The following BDP1 variants were observed in gnomAD, a reference collection of about 807,000 sequenced individuals.
BDP1 encodes the protein transcription factor TFIIIB component B'' homolog.
A neutral mutation model predicts 266.6 loss-of-function variants in BDP1; 169 were observed. The observed-to-expected ratio is 0.63, with a 90% CI of 0.56 to 0.72. BDP1 has a LOEUF of 0.72. Among genes scored for constraint, BDP1 ranks in the 30% least tolerant of loss-of-function variants. The probability of loss-of-function intolerance (pLI) is 0.00; values close to 1 mark genes in which losing one functional copy is unlikely to be tolerated. For synonymous variants in BDP1, 1,090 were observed against 1,022.4 expected, an observed-to-expected ratio of 1.07 and a Z score of -1.26; for missense variants, 3,015 against 3,053.8, an observed-to-expected ratio of 0.99 and a Z score of 0.30.
At chr5:71,460,186 C>T (rs990223739) in intron 2 of BDP1, among the ~76,000 whole-genome samples, 2 of 152,144 alleles carry the variant, frequency 1.3e-5, no homozygotes, top group African/African-American at 4.8e-5. Context: ...TCGAGACCAG[C>T]CTGGCCAACA....
chr5:71,564,878 C>T lies in BDP1; in HGVS notation c.7868C>T (p.Thr2623Ile). ...FNDIFIEVDE[T>I]E is the part of the protein sequence containing the mutation. ...GATATCTTCATTGAAGTGGATGAAA[C>T]AGAATAAAACAATCTTTTCTCTTTT... is the stretch of plus-strand genomic sequence containing the variant. Residue 2623 changes from threonine (T) to isoleucine (I), a missense_variant, in exon 39 of 39, where the codon ACA (threonine) becomes ATA (isoleucine). This residue lies in a region of BDP1 where 629 missense variants were observed against 632.5 expected (regional missense o/e 0.99). Coordinates refer to ENST00000358731, the MANE Select transcript of BDP1 (RefSeq NM_018429.3). The T allele has an allele frequency of 6.3e-7, 1 of 1,584,144 alleles. No individual in the cohort carries two copies. Among genetic ancestry groups the T allele is most frequent in the Non-Finnish European group, 8.5e-7 (1 of 1,171,418 alleles).
At chr5:71,490,050 G>A (rs1763495844) in intron 10 of BDP1, among the ~76,000 whole-genome samples, 1 of 152,140 alleles carries the variant, frequency 6.6e-6, no homozygotes, top group African/African-American at 2.4e-5. Flanking sequence ...AACCCACAAG[G>A]GGTTAGTTCC....
chr5:71,479,043 T>A (rs1762769597), intron 7 of BDP1, among the ~76,000 whole-genome samples: 1 of 152,096 alleles, frequency 6.6e-6, no homozygotes. Flanking sequence ...TTATTTTATT[T>A]TATTTTATTT....
chr5:71,469,284 A>T (rs528551923), intron 6 of BDP1, among the ~76,000 whole-genome samples: 1 of 151,288 alleles, frequency 6.6e-6, no homozygotes, highest in African/African-American at 2.4e-5. Flanking sequence ...GATTACAGGC[A>T]TATGTCACCA....
At position 71,567,775 on chromosome 5, in the gene BDP1, G is replaced by T. The variant is rs115686084; in HGVS notation, c.*2890G>T. The T allele has an allele frequency of 0.025, 3,816 of 152,430 alleles. 73 individuals carry two copies. The highest frequency in any genetic ancestry group is 0.074 in the South Asian group (357 of 4,806). The allele number at this position is 152,430 out of a possible 1,614,324, so 9.4% of individuals were successfully genotyped here. On this transcript the variant is annotated 3_prime_UTR_variant, in exon 39 of 39. Coordinates refer to ENST00000358731, the MANE Select transcript of BDP1 (RefSeq NM_018429.3). ...AAATTTTCTTGTTCTAAAGAAAGCAGTTATATATATATATAAATTATGTAA... is the reference window on the plus strand; with the variant it reads ...AAATTTTCTTGTTCTAAAGAAAGCATTTATATATATATATAAATTATGTAA...
chr5:71,556,627 C>G (rs938691077), intron 35 of BDP1, among the ~76,000 whole-genome samples: 1 of 152,004 alleles, frequency 6.6e-6, no homozygotes, highest in African/African-American at 2.4e-5. Flanking sequence ...TGATGTGCTG[C>G]TTGTACTATT....
chr5:71,493,239 C>G (rs1172090314), intron 11 of BDP1, among the ~76,000 whole-genome samples: 1 of 152,128 alleles, frequency 6.6e-6, no homozygotes, highest in Non-Finnish European at 1.5e-5. Context: ...AAACTGTACT[C>G]GTGACTTTTT....
intron 28 of BDP1, among the ~76,000 whole-genome samples, chr5:71,540,307 G>A (rs1451419705): frequency 6.6e-6 from 1 of 151,910 alleles, no homozygotes; most frequent in African/African-American, 2.4e-5. Flanking sequence ...ACGGAGTTTG[G>A]TTATGAGTAG....
intron 35 of BDP1, among the ~76,000 whole-genome samples, chr5:71,553,725 C>G (rs879818944): frequency 9.9e-5 from 15 of 152,140 alleles, no homozygotes; most frequent in Non-Finnish European, 1.5e-5. Flanking sequence ...ATGCCTAAAG[C>G]TACCCATTGC....
chr5:71,476,902 A>T (rs1296338721), intron 7 of BDP1, among the ~76,000 whole-genome samples: 1 of 151,810 alleles, frequency 6.6e-6, no homozygotes, highest in Non-Finnish European at 1.5e-5. Flanking sequence ...ACGGGGTTTC[A>T]CCCTGTTAGC....
chr5:71,502,182 T>C (rs1273110545), intron 14 of BDP1, among the ~76,000 whole-genome samples: 2 of 146,816 alleles, frequency 1.4e-5, no homozygotes, highest in African/African-American at 2.4e-5. Context: ...TCTTTTTTTT[T>C]CTCTCTCTTT....
Position 71,495,558 on chromosome 5 carries a change from A to G in BDP1, c.1799+150A>G, listed in dbSNP as rs146216834. 8.0e-4 allele frequency: 386 copies of G among 483,838 alleles called. 6 individuals carry two copies. In the East Asian group the frequency reaches 0.012, roughly 15 times the overall value. The allele number at this position is 483,838 out of a possible 1,614,324, so 30.0% of individuals were successfully genotyped here. A position where few individuals can be genotyped will look rare whatever the true frequency, so the allele number is the denominator to read the frequency against. ...ATCATTTAATATGTAATTATACTGT[A>G]GTCTGTTCAGAGTGTAACATCAGGT... On this transcript the variant is annotated intron_variant, in intron 12 of 38. Coordinates refer to ENST00000358731, the MANE Select transcript of BDP1 (RefSeq NM_018429.3).
chr5:71,558,147 C>T (rs1743357919), intron 36 of BDP1, among the ~76,000 whole-genome samples: 1 of 152,160 alleles, frequency 6.6e-6, no homozygotes, highest in African/African-American at 2.4e-5. Flanking sequence ...CAATGGCACT[C>T]AAGAATAAAA....
chr5:71,470,500 C>G lies in BDP1; in HGVS notation c.1014+11C>G. 6.5e-7 allele frequency: 1 copy of G among 1,549,314 alleles called. No homozygotes were observed. Among genetic ancestry groups the G allele is most frequent in the Non-Finnish European group, 8.9e-7 (1 of 1,126,218 alleles). On this transcript the variant is annotated intron_variant, in intron 7 of 38. Coordinates refer to ENST00000358731, the MANE Select transcript of BDP1 (RefSeq NM_018429.3). The stretch of plus-strand genomic sequence containing the variant: ...AGGATAGAAATTAAGGTAAAGTAAA[C>G]CCATCACATTTGTTGATTGGAAAGA...
Position 71,513,167 on chromosome 5 carries a change from T to A in BDP1, c.4248-18T>A, listed in dbSNP as rs774014779. ...CCCTTCAGTTCATTCTAAAGCTTGATAATCCTTGTTCCAAAAGCAAATCTC... is the reference window on the plus strand; with the variant it reads ...CCCTTCAGTTCATTCTAAAGCTTGAAAATCCTTGTTCCAAAAGCAAATCTC... On this transcript the variant is annotated intron_variant, in intron 18 of 38. Coordinates refer to ENST00000358731, the MANE Select transcript of BDP1 (RefSeq NM_018429.3). The A allele has an allele frequency of 6.3e-7, 1 of 1,595,696 alleles. No homozygotes were observed.
At chr5:71,576,299 A>C in the BDP1 span, among the ~76,000 whole-genome samples, 2 of 152,004 alleles carry the variant, frequency 1.3e-5, no homozygotes, top group Admixed American at 6.6e-5. Context: ...AGGACCCCTA[A>C]CTCCACCTGA....
At chr5:71,514,106 A>C (rs1765093968) in intron 19 of BDP1, among the ~76,000 whole-genome samples, 1 of 152,144 alleles carries the variant, frequency 6.6e-6, no homozygotes, top group African/African-American at 2.4e-5. Context: ...TATTTTATTT[A>C]CTTTATTAAC....
At chr5:71,495,062 A>C (rs1763800727) in intron 11 of BDP1, 188 bp from the exon 12 acceptor site, 1 of 377,012 alleles carries the variant, frequency 2.7e-6, no homozygotes, top group African/African-American at 2.1e-5. Flanking sequence ...CTTTCTCTGG[A>C]GGTACAGTTT....
intron 28 of BDP1, among the ~76,000 whole-genome samples, chr5:71,540,166 A>G (rs533869141): frequency 6.6e-6 from 1 of 152,350 alleles, no homozygotes; most frequent in East Asian, 1.9e-4. Context: ...TATTAGATGG[A>G]AATCACAGAC....
Sources: allele counts gnomAD v4.1 joint callset (sites outside exome capture counted in the v4.1 genomes callset), GRCh38; gene constraint gnomAD v4.1.1; regional missense constraint gnomAD v4.1.1; transcripts MANE v1.5; gene names NCBI Gene and HGNC (gene_info 2026-07-23, HGNC 2026-07-21).